Variants in BIRC6 observed in about 807,000 individuals in gnomAD.
The protein encoded by BIRC6 is baculoviral IAP repeat containing 6, also known as dual E2 ubiquitin-conjugating enzyme/E3 ubiquitin-protein ligase BIRC6.
Under a neutral mutation model 503.3 loss-of-function variants are expected in BIRC6, and 98 were observed. The observed-to-expected ratio is 0.19, with a 90% CI of 0.17 to 0.23. The LOEUF (loss-of-function observed/expected upper bound fraction) is 0.23, where lower values mean the gene tolerates loss of function less well. Among genes scored for constraint, BIRC6 ranks in the 10% least tolerant of loss-of-function variants. BIRC6 has a pLI of 1.00. For synonymous variants in BIRC6, 2,240 were observed against 2,078.7 expected (o/e 1.08, Z -2.11); for missense variants, 5,360 against 5,806.0 (o/e 0.92, Z 2.50).
rs147194738 is a variant in BIRC6 at position 32,465,160 on chromosome 2, T to C, written c.5352T>C (p.His1784=). Residue 1784 remains histidine (H), a synonymous_variant, in exon 26 of 74, where the codon CAT becomes CAC. Transcript: ENST00000421745. ...AGTCCATTATTATAGAGCGAATGCATTCAGGTAATCTTTTACTTTCTTAAA... is the reference window on the plus strand; with the variant it reads ...AGTCCATTATTATAGAGCGAATGCACTCAGGTAATCTTTTACTTTCTTAAA... ...PHQSIIIERM[H]SGARRFVTLD... The C allele has an allele frequency of 1.3e-6, 2 of 1,520,302 alleles. No individual in the cohort carries two copies. Among genetic ancestry groups the C allele is most frequent in the African/African-American group, 2.8e-5 (2 of 71,416 alleles). The allele number at this position is 1,520,302 out of a possible 1,614,324, so 94.2% of individuals were successfully genotyped here. A position where few individuals can be genotyped will look rare whatever the true frequency, so the allele number is the denominator to read the frequency against.
At chr2:32,580,703 A>G (rs1463240613) in intron 66 of BIRC6, among the ~76,000 whole-genome samples, 1 of 152,224 alleles carries the variant, frequency 6.6e-6, no homozygotes, top group African/African-American at 2.4e-5. Context: ...CCAAACTACC[A>G]TGGAAGAGAC....
chr2:32,421,449 C>G (rs1363559682), intron 10 of BIRC6, among the ~76,000 whole-genome samples: 2 of 152,072 alleles, frequency 1.3e-5, no homozygotes, highest in Admixed American at 1.3e-4. Flanking sequence ...GAGATGTTTT[C>G]TAATATAGGA....
rs191515285 is a variant in BIRC6, at chr2:32,506,769, T to A, written c.9701-1211T>A. Among the ~76,000 whole-genome samples the A allele has an allele frequency of 2.0e-4, 30 of 152,354 alleles. No individual in the cohort carries two copies. The East Asian group carries it at 3.5e-3, about 18-fold the overall frequency. ...GTGATACAGTGGAAATAACAGTCTT[T>A]AGAATCAAACATGGACTTGAATCTA... is the stretch of plus-strand genomic sequence containing the variant. On this transcript the variant is annotated intron_variant, in intron 50 of 73. Coordinates refer to ENST00000421745, the MANE Select transcript of BIRC6 (RefSeq NM_016252.4).
chr2:32,555,150 A>AG (rs1300545933), intron 65 of BIRC6, among the ~76,000 whole-genome samples: 1 of 152,150 alleles, frequency 6.6e-6, no homozygotes. Context: ...GTATATCCTT[A>AG]TTTATAGTTT....
intron 54 of BIRC6, among the ~76,000 whole-genome samples, chr2:32,513,646 C>T (rs2054678481): frequency 6.6e-6 from 1 of 152,170 alleles, no homozygotes; most frequent in South Asian, 2.1e-4. Flanking sequence ...CACAGTGGCT[C>T]ATGCCTGTAA....
chr2:32,540,505 TTTG>T (rs149976839), intron 61 of BIRC6, among the ~76,000 whole-genome samples: 350 of 152,188 alleles, frequency 2.3e-3, no homozygotes, highest in Non-Finnish European at 3.7e-3. Flanking sequence ...ATAAAATTTC[TTTG>T]TTGTTAATTG....
intron 65 of BIRC6, among the ~76,000 whole-genome samples, chr2:32,552,192 G>C (rs2058471559): frequency 6.6e-6 from 1 of 151,888 alleles, no homozygotes; most frequent in Admixed American, 6.6e-5. Context: ...CACCCTTTTT[G>C]CCCTTATTTT....
At chr2:32,561,720 C>CATGT (rs1357111518) in intron 65 of BIRC6, among the ~76,000 whole-genome samples, 1 of 145,634 alleles carries the variant, frequency 6.9e-6, no homozygotes, top group African/African-American at 2.6e-5. Flanking sequence ...ATGCTTTAAT[C>CATGT]ATGTATATAT....
intron 11 of BIRC6, 99 bp downstream of exon 11, chr2:32,429,394 G>T: frequency 1.1e-6 from 1 of 930,036 alleles, no homozygotes; most frequent in Non-Finnish European, 1.5e-6. Context: ...AGTAAGAAGT[G>T]ATTCTCAACC....
intron 72 of BIRC6, among the ~76,000 whole-genome samples, chr2:32,609,285 C>CTGTGTGTGTGTGTGTGTG (rs58379253): frequency 7.2e-4 from 106 of 147,642 alleles, no homozygotes; most frequent in African/African-American, 1.1e-3. Context: ...AAGTGTGGCT[C>CTGTGTGTGTGTGTGTGTG]TGTGTGTGTG....
chr2:32,569,234 C>G (rs984454446), intron 65 of BIRC6, among the ~76,000 whole-genome samples: 2 of 152,148 alleles, frequency 1.3e-5, no homozygotes, highest in Admixed American at 6.5e-5. Context: ...AGTGATCTCC[C>G]CACCTCAGCC....
In BIRC6 at chr2:32,529,836, A is replaced by T. The variant is rs762731421; in HGVS notation, c.12094+12A>T. 9 of 1,519,714 alleles carry T rather than the reference A, an allele frequency of 5.9e-6. No homozygotes were observed. The Admixed American group carries it at 1.5e-4, about 25-fold the overall frequency. The allele number at this position is 1,519,714 out of a possible 1,614,324, so 94.1% of individuals were successfully genotyped here. On this transcript the variant is annotated intron_variant, in intron 60 of 73. Transcript: ENST00000421745. ...ACACCCTGAAAAAGGTATGTGCATA[A>T]TACTACTTTAAAAATTACAGACTGT... is the stretch of plus-strand genomic sequence containing the variant.
chr2:32,408,343 C>T lies in BIRC6; in HGVS notation c.1477+1786C>T, dbSNP rs2041478475. 2.0e-5 allele frequency among the ~76,000 whole-genome samples: 3 copies of T among 152,148 alleles called. No individual in the cohort carries two copies. In the South Asian group the frequency reaches 6.2e-4, roughly 32 times the overall value. ...CAGGCTGGTCTCGAGCTGCTGACCT[C>T]AGGTGATCCACTTGCCTCAGCCTCC... On this transcript the variant is annotated intron_variant, in intron 9 of 73. Transcript: ENST00000421745.
chr2:32,597,100 T>G (rs1458101250), intron 68 of BIRC6, among the ~76,000 whole-genome samples: 1 of 152,244 alleles, frequency 6.6e-6, no homozygotes, highest in African/African-American at 2.4e-5. Flanking sequence ...CATAAGAAAC[T>G]GCATTTTCAA....
intron 46 of BIRC6, among the ~76,000 whole-genome samples, chr2:32,501,217 G>A (rs944699565): frequency 6.6e-6 from 1 of 151,792 alleles, no homozygotes; most frequent in African/African-American, 2.4e-5. Context: ...TTTTTTCTTT[G>A]TCAGTGTGTG....
chr2:32,407,256 G>T (rs1325452153), intron 9 of BIRC6, among the ~76,000 whole-genome samples: 1 of 151,964 alleles, frequency 6.6e-6, no homozygotes, highest in Non-Finnish European at 1.5e-5. Context: ...GACCAGCCTG[G>T]CCAACATGGT....
At chr2:32,421,378 T>G (rs1200784292) in intron 10 of BIRC6, among the ~76,000 whole-genome samples, 1 of 152,180 alleles carries the variant, frequency 6.6e-6, no homozygotes, top group Non-Finnish European at 1.5e-5. Flanking sequence ...GTGCTGGGAT[T>G]ACAGGCATGA....
At position 32,524,775 on chromosome 2, in the gene BIRC6, T is replaced by C. The variant is rs2056110256; in HGVS notation, c.11624-113T>C. The C allele has an allele frequency of 4.1e-6, 3 of 737,964 alleles. No individual in the cohort carries two copies. In the South Asian group the frequency reaches 1.1e-4, roughly 26 times the overall value. 45.7% of individuals were successfully genotyped at this position (737,964 alleles called of 1,614,324 possible). The stretch of plus-strand genomic sequence containing the variant: ...CCATTTCTCCTAAATTCCTTTATAT[T>C]GCCTTAGTATTAAGGATAATATTAT... On this transcript the variant is annotated intron_variant, in intron 57 of 73. Coordinates refer to ENST00000421745, the MANE Select transcript of BIRC6 (RefSeq NM_016252.4).
At chr2:32,589,320 T>C (rs944442758) in intron 66 of BIRC6, among the ~76,000 whole-genome samples, 1 of 152,228 alleles carries the variant, frequency 6.6e-6, no homozygotes, top group African/African-American at 2.4e-5. Context: ...TGGAAAGTTG[T>C]TCATCATAGT....
Sources: gnomAD v4.1 joint callset for allele counts (sites outside exome capture counted in the v4.1 genomes callset) on GRCh38, gnomAD v4.1.1 for gene constraint, MANE v1.5 for transcripts, NCBI Gene and HGNC (gene_info 2026-07-23, HGNC 2026-07-21) for gene names.